The following RASEF variants were observed in gnomAD, a reference collection of about 807,000 sequenced individuals.
RASEF encodes the protein RAS and EF-hand domain containing.
RASEF carries 68 observed loss-of-function variants against 90.1 expected under a neutral mutation model. The ratio of observed to expected loss-of-function variants is 0.75; its 90% CI spans 0.62 to 0.92. The LOEUF is 0.92. Ranked by LOEUF, RASEF falls within the 40% of genes least tolerant of loss-of-function variation. The probability of loss-of-function intolerance (pLI) is 0.00; values close to 1 mark genes in which losing one functional copy is unlikely to be tolerated. For synonymous variants in RASEF, 331 were observed against 345.2 expected (o/e 0.96, Z 0.46); for missense variants, 949 against 937.2 (o/e 1.01, Z -0.16).
the RASEF span, among the ~76,000 whole-genome samples, chr9:83,085,887 T>A: frequency 2.6e-5 from 4 of 152,050 alleles, no homozygotes; most frequent in Admixed American, 2.6e-4. Flanking sequence ...ATTGCGCCAC[T>A]ACACTCTAGC....
chr9:83,086,473 C>A, the RASEF span, among the ~76,000 whole-genome samples: 1 of 152,164 alleles, frequency 6.6e-6, no homozygotes, highest in Non-Finnish European at 1.5e-5. Flanking sequence ...TAACAAGTTA[C>A]CCCCAAACCT....
intron 1 of RASEF, chr9:83,048,347 T>A (rs1829970480): frequency 1.0e-6 from 1 of 985,238 alleles, no homozygotes. Context: ...CTGGTCTGTT[T>A]GATTTCTGAC....
At chr9:83,001,311 A>G (rs1180149426) in intron 9 of RASEF, among the ~76,000 whole-genome samples, 181 bp from the exon 10 acceptor site, 1 of 152,222 alleles carries the variant, frequency 6.6e-6, no homozygotes, top group African/African-American at 2.4e-5. Flanking sequence ...AGTTCATTCT[A>G]TGCAGCAATC....
At chr9:83,068,085 A>G (rs528554228), upstream of RASEF, among the ~76,000 whole-genome samples, 2 of 152,196 alleles carry the variant, frequency 1.3e-5, no homozygotes, top group Non-Finnish European at 2.9e-5. Flanking sequence ...CGTTGCCCAG[A>G]CTGGTCTCAA....
chr9:83,081,266 T>C, the RASEF span, among the ~76,000 whole-genome samples: 2 of 152,324 alleles, frequency 1.3e-5, no homozygotes, highest in African/African-American at 4.8e-5. Flanking sequence ...AAACAGATGA[T>C]TTGGACTTGT....
chr9:83,167,581 T>G, the RASEF span, among the ~76,000 whole-genome samples: 2 of 152,156 alleles, frequency 1.3e-5, no homozygotes, highest in Non-Finnish European at 2.9e-5. Flanking sequence ...GTTTTTGGTA[T>G]TTTCACAGAG....
At chr9:83,072,132 A>G in the RASEF span, among the ~76,000 whole-genome samples, 7 of 152,134 alleles carry the variant, frequency 4.6e-5, no homozygotes, top group Admixed American at 2.6e-4. Context: ...AGTCCACCCT[A>G]TTGACCAGGT....
the RASEF span, among the ~76,000 whole-genome samples, chr9:83,171,510 GTTC>G: frequency 6.6e-6 from 1 of 151,926 alleles, no homozygotes; most frequent in Non-Finnish European, 1.5e-5. Context: ...ATTGGCATTA[GTTC>G]TTCTTGAAAT....
At chr9:83,048,759 G>T (rs10116216) in intron 1 of RASEF, 2 of 979,276 alleles carry the variant, frequency 2.0e-6, no homozygotes, top group African/African-American at 3.5e-5. Context: ...TATGTTTTCC[G>T]TCCTATATAG....
chr9:83,135,045 A>G, the RASEF span, among the ~76,000 whole-genome samples: 1 of 152,214 alleles, frequency 6.6e-6, no homozygotes, highest in Admixed American at 6.6e-5. Context: ...AAGGAAATTC[A>G]TACAGACAGA....
chr9:83,063,065 G>A lies in RASEF; in HGVS notation c.-198C>T, dbSNP rs1477261971. 3.7e-5 allele frequency: 21 copies of A among 569,526 alleles called. No individual in the cohort carries two copies. The highest frequency in any genetic ancestry group is 5.1e-5 in the Non-Finnish European group (18 of 349,824). The allele number at this position is 569,526 out of a possible 1,614,324, so 35.3% of individuals were successfully genotyped here. On this transcript the variant is annotated 5_prime_UTR_variant, in exon 1 of 17. Transcript: ENST00000376447. ...AGCGGCTCCCTTCGACGACGGTTCG[G>A]GCCAGCCCCCAACAGGTCCCGGGAG... is the stretch of plus-strand genomic sequence containing the variant.
chr9:83,101,628 A>G, the RASEF span, among the ~76,000 whole-genome samples: 1 of 152,204 alleles, frequency 6.6e-6, no homozygotes, highest in African/African-American at 2.4e-5. Context: ...TTCTCTAGGC[A>G]TGTTATCTTC....
the RASEF span, among the ~76,000 whole-genome samples, chr9:83,183,008 G>A: frequency 7.9e-5 from 12 of 152,052 alleles, no homozygotes; most frequent in Non-Finnish European, 5.9e-5. Context: ...GCCTAAGACC[G>A]GGGTGAAGGG....
chr9:83,159,042 C>G, the RASEF span, among the ~76,000 whole-genome samples: 1 of 151,998 alleles, frequency 6.6e-6, no homozygotes, highest in Non-Finnish European at 1.5e-5. Flanking sequence ...AAAAATTAGC[C>G]AGGCGTGGTG....
At chr9:83,006,322 C>T (rs988096175) in intron 7 of RASEF, among the ~76,000 whole-genome samples, 11 of 152,106 alleles carry the variant, frequency 7.2e-5, no homozygotes, top group African/African-American at 2.7e-4. Flanking sequence ...CTAAACTAGC[C>T]CCATAAGGGG....
In RASEF at chr9:83,000,305, T is replaced by C; in HGVS notation, c.1587A>G (p.Val529=). ...ISALSPQTDL[V]DDNAKSFSSQ... Reference sequence around the variant, plus strand: ...AGCTAAAAGATTTAGCGTTGTCATCTACCAGGTCTGTCTGGGGGGAAAAGC... The same window carrying C: ...AGCTAAAAGATTTAGCGTTGTCATCCACCAGGTCTGTCTGGGGGGAAAAGC... The change falls in exon 12 of 17, where the codon GTA becomes GTG. Residue 529 remains valine (V), a synonymous_variant. Coordinates refer to ENST00000376447, the MANE Select transcript of RASEF (RefSeq NM_152573.4). 1.2e-6 allele frequency: 2 copies of C among 1,613,744 alleles called. No homozygotes were observed. Among genetic ancestry groups the C allele is most frequent in the South Asian group, 1.1e-5 (1 of 90,980 alleles).
intron 1 of RASEF, among the ~76,000 whole-genome samples, chr9:83,035,069 C>T (rs78504198): frequency 0.025 from 3,733 of 152,176 alleles, 178 homozygotes; most frequent in East Asian, 0.22. Flanking sequence ...GCTCCATGGA[C>T]AGAAATGTCT....
chr9:83,092,633 G>C, the RASEF span, among the ~76,000 whole-genome samples: 18 of 152,272 alleles, frequency 1.2e-4, no homozygotes, highest in South Asian at 2.5e-3. Flanking sequence ...GAGATTTATT[G>C]CAAAGAGCGA....
At chr9:83,041,741 A>G (rs1257292769) in intron 1 of RASEF, among the ~76,000 whole-genome samples, 1 of 152,198 alleles carries the variant, frequency 6.6e-6, no homozygotes, top group African/African-American at 2.4e-5. Context: ...TTTCTGCAGA[A>G]CGGAAGGGTG....
Sources: allele counts gnomAD v4.1 joint callset (sites outside exome capture counted in the v4.1 genomes callset), GRCh38; gene constraint gnomAD v4.1.1; transcripts MANE v1.5; gene names NCBI Gene and HGNC (gene_info 2026-07-23, HGNC 2026-07-21).